TCOF1: variants seen among roughly 807,000 people sequenced by gnomAD.
The protein encoded by TCOF1 is treacle protein.
TCOF1 carries 33 observed loss-of-function variants against 149.0 expected under a neutral mutation model. That is an observed-to-expected ratio of 0.22 (90% CI 0.17 to 0.30). TCOF1 has a LOEUF of 0.30. TCOF1 is among the 10% of genes least tolerant of loss of function. The pLI, the probability that TCOF1 is intolerant of heterozygous loss-of-function variation, is 1.00. For missense variants in TCOF1, 1,728 were observed against 1,840.7 expected, an observed-to-expected ratio of 0.94 and a Z score of 1.12; for synonymous variants, 789 against 738.8, an observed-to-expected ratio of 1.07 and a Z score of -1.10.
intron 19 of TCOF1, among the ~76,000 whole-genome samples, chr5:150,390,540 C>T (rs1291875124): frequency 6.6e-6 from 1 of 152,122 alleles, no homozygotes; most frequent in Non-Finnish European, 1.5e-5. Context: ...TCAGCAAGGC[C>T]GGAACCCGGG....
chr5:150,369,569 C>A lies in TCOF1; in HGVS notation c.606C>A (p.Asp202Glu). 6.2e-7 allele frequency: 1 copy of A among 1,614,144 alleles called. No homozygotes were observed. Among genetic ancestry groups the A allele is most frequent in the South Asian group, 1.1e-5 (1 of 91,080 alleles). ...SAGQADSSSE[D>E]TSSSSDETDV... is the part of the protein sequence containing the mutation. Reference sequence around the variant, plus strand: ...GCCAGGCCGACAGCTCCAGCGAGGACACCTCCAGCTCCAGTGATGAGACAG... The same window carrying A: ...GCCAGGCCGACAGCTCCAGCGAGGAAACCTCCAGCTCCAGTGATGAGACAG... The change falls in exon 6 of 27, where the codon GAC becomes GAA. Residue 202 changes from aspartate to glutamate, a missense_variant. Coordinates refer to ENST00000643257, the MANE Select transcript of TCOF1 (RefSeq NM_001371623.1).
Position 150,393,464 on chromosome 5 carries a change from T to C in TCOF1, c.3696T>C (p.Val1232=). 1 of 1,614,130 alleles carries C rather than the reference T, an allele frequency of 6.2e-7. No individual in the cohort carries two copies. Among genetic ancestry groups the C allele is most frequent in the South Asian group, 1.1e-5 (1 of 91,082 alleles). The part of the protein sequence containing the change: ...ATPKLDSSPS[V]SSTLAAKDDP... ...CCAAGCTAGACTCCAGCCCCTCAGT[T>C]TCCTCTACTCTGGCCGCCAAAGATG... Residue 1232 remains valine, a synonymous_variant, in exon 23 of 27, where the codon GTT becomes GTC. Transcript: ENST00000643257.
At position 150,379,532 on chromosome 5, in the gene TCOF1, G is replaced by C. The variant is rs776588177; in HGVS notation, c.2659G>C (p.Val887Leu). 1.7e-5 allele frequency: 28 copies of C among 1,614,030 alleles called. No homozygotes were observed. The highest frequency in any genetic ancestry group is 1.6e-4 in the Middle Eastern group (1 of 6,084). ...CCTCTCATCCTGTTTCTCCCTCCAG[G>C]TGAAGCCTTCAGGGAAGACCCACCA... is the stretch of plus-strand genomic sequence containing the variant. The part of the protein sequence containing the change: ...SEEEAETLAQ[V>L]KPSGKTHQIR... The change falls in exon 17 of 27, where the codon GTG (valine) becomes CTG (leucine). Residue 887 changes from valine to leucine, a missense_variant and splice_region_variant. This residue lies in a region of TCOF1 where 1,696 missense variants were observed against 1,765.4 expected (regional missense o/e 0.96). Coordinates refer to ENST00000643257, the MANE Select transcript of TCOF1 (RefSeq NM_001371623.1).
At chr5:150,393,871 T>A in intron 23 of TCOF1, 2 of 385,330 alleles carry the variant, frequency 5.2e-6, no homozygotes, top group Non-Finnish European at 9.9e-6. Context: ...AATTAGCCGG[T>A]GTGATGGTGC....
intron 19 of TCOF1, among the ~76,000 whole-genome samples, chr5:150,390,443 G>A (rs140014619): frequency 2.6e-5 from 4 of 152,246 alleles, no homozygotes; most frequent in Non-Finnish European, 4.4e-5. Context: ...TAAAAGCTGG[G>A]CATTTTAGGG....
Position 150,396,370 on chromosome 5 carries a change from G to T in TCOF1, c.3873G>T (p.Ala1291=), listed in dbSNP as rs375500651. Residue 1291 remains alanine, a synonymous_variant, in exon 24 of 27, where the codon GCG becomes GCT. Transcript: ENST00000643257. The stretch of plus-strand genomic sequence containing the variant: ...GGAACCCCCAAGCCTCAACCCTGGC[G>T]CTGCAAAGCAACATCACCCAGTGCC... ...GAGNPQASTL[A]LQSNITQCLL... is the part of the protein sequence containing the mutation. 1 of 1,613,940 alleles carries T rather than the reference G, an allele frequency of 6.2e-7. No individual in the cohort carries two copies. The highest frequency in any genetic ancestry group is 1.1e-5 in the South Asian group (1 of 91,084).
chr5:150,383,663 A>G (rs1025663232), intron 17 of TCOF1: 24 of 1,458,594 alleles, frequency 1.6e-5, no homozygotes, highest in African/African-American at 7.1e-5. Flanking sequence ...CCAAATTCTC[A>G]TGATTCATAA....
At chr5:150,383,066 A>G (rs1167748361) in intron 17 of TCOF1, 1 of 1,535,282 alleles carries the variant, frequency 6.5e-7, no homozygotes, top group East Asian at 2.4e-5. Context: ...CCTCAGAAGG[A>G]CAGTAACTCC....
chr5:150,396,534 G>A lies in TCOF1; in HGVS notation c.4037G>A (p.Arg1346His), dbSNP rs979889720. ...KESSRKGWES[R>H]KRKLSGDQPA... ...AGCAGCAGGAAGGGCTGGGAGAGCC[G>A]CAAGCGGAAGCTATCGGGAGACCAG... The change falls in exon 24 of 27, where the codon CGC becomes CAC. Residue 1346 changes from arginine to histidine, a missense_variant. By Grantham distance (29) the Arg-to-His change is conservative (BLOSUM62 0). Coordinates refer to ENST00000643257, the MANE Select transcript of TCOF1 (RefSeq NM_001371623.1). The A allele has an allele frequency of 1.8e-5, 29 of 1,600,782 alleles. No individual in the cohort carries two copies. The highest frequency in any genetic ancestry group is 1.7e-4 in the Middle Eastern group (1 of 5,888).
intron 24 of TCOF1, among the ~76,000 whole-genome samples, chr5:150,397,208 C>T (rs1768761427): frequency 1.3e-5 from 2 of 148,334 alleles, no homozygotes; most frequent in South Asian, 4.3e-4. Context: ...GTCACAGGGG[C>T]AGCTTGTGGC....
At chr5:150,380,086 GAAAAA>G (rs878900348) in intron 17 of TCOF1, 3 of 246,538 alleles carry the variant, frequency 1.2e-5, no homozygotes, top group South Asian at 9.1e-5. Flanking sequence ...AAAAAAAAAA[GAAAAA>G]AAAGAAAAGT....
intron 17 of TCOF1, among the ~76,000 whole-genome samples, chr5:150,382,878 A>G (rs1765507573): frequency 6.6e-6 from 1 of 152,190 alleles, no homozygotes. Flanking sequence ...AGCAGGGTGG[A>G]AGCATGTTTC....
In TCOF1 at chr5:150,374,366, G is replaced by A. The variant is rs750089857; in HGVS notation, c.1063G>A (p.Ala355Thr). ...ESSDSEEETP[A>T]AKALLQAKAS... ...ATCTGACAGTGAGGAGGAGACGCCA[G>A]CTGCCAAGGCCCTGCTTCAGGTGAG... The change falls in exon 8 of 27, where the codon GCT becomes ACT. Residue 355 changes from alanine (A) to threonine (T), a missense_variant. Around this residue, in one of 2 missense-constraint regions of TCOF1, gnomAD observed 1,696 missense variants for 1,765.4 expected, o/e 0.96. Coordinates refer to ENST00000643257, the MANE Select transcript of TCOF1 (RefSeq NM_001371623.1). 4 of 1,556,000 alleles carry A rather than the reference G, an allele frequency of 2.6e-6. No homozygotes were observed. The African/African-American group carries it at 5.5e-5, about 21-fold the overall frequency.
In TCOF1 at chr5:150,379,400, C is replaced by G; in HGVS notation, c.2650C>G (p.Leu884Val). Residue 884 changes from leucine (L) to valine (V), a missense_variant, in exon 16 of 27, where the codon CTG becomes GTG. Leu to Val is a conservative substitution (Grantham distance 32). Around this residue, in one of 2 missense-constraint regions of TCOF1, gnomAD observed 1,696 missense variants for 1,765.4 expected, o/e 0.96. Coordinates refer to ENST00000643257, the MANE Select transcript of TCOF1 (RefSeq NM_001371623.1). ...AGACAGTGAGGAGGAGGCGGAGACG[C>G]TGGCTCAGGTGAGGGGGAGGGAATG... ...ESDSEEEAET[L>V]AQVKPSGKTH... 1.2e-6 allele frequency: 2 copies of G among 1,613,666 alleles called. No individual in the cohort carries two copies. The highest frequency in any genetic ancestry group is 1.1e-5 in the South Asian group (1 of 91,050).
At chr5:150,384,576 G>A (rs908586303) in intron 17 of TCOF1, 3 of 985,450 alleles carry the variant, frequency 3.0e-6, no homozygotes, top group Admixed American at 6.1e-5. Flanking sequence ...GGAGGGGACC[G>A]CTCCCCCTTT....
At chr5:150,367,015 G>A (rs1340256458) in intron 3 of TCOF1, among the ~76,000 whole-genome samples, 1 of 151,534 alleles carries the variant, frequency 6.6e-6, no homozygotes, top group Non-Finnish European at 1.5e-5. Context: ...TGGTATAAAA[G>A]CACTGAGAAG....
Position 150,376,488 on chromosome 5 carries a change from G to T in TCOF1, c.2208G>T (p.Gly736=). 1.2e-6 allele frequency: 2 copies of T among 1,614,072 alleles called. No homozygotes were observed. Among genetic ancestry groups the T allele is most frequent in the East Asian group, 2.2e-5 (1 of 44,882 alleles). ...CAGTGCCTGTCAAGGGGTCCTTGGGGCAAGGGACTGCTCCAGTACTCCCTG... is the reference window on the plus strand; with the variant it reads ...CAGTGCCTGTCAAGGGGTCCTTGGGTCAAGGGACTGCTCCAGTACTCCCTG... The part of the protein sequence containing the change: ...AASVPVKGSL[G]QGTAPVLPGK... Residue 736 remains glycine (G), a synonymous_variant, in exon 14 of 27, where the codon GGG becomes GGT. Transcript: ENST00000643257.
intron 6 of TCOF1, among the ~76,000 whole-genome samples, chr5:150,371,108 G>A (rs1261273139): frequency 6.6e-6 from 1 of 152,210 alleles, no homozygotes; most frequent in Non-Finnish European, 1.5e-5. Context: ...AGACCAAGGT[G>A]TCCACAGTTG....
chr5:150,358,422 C>T (rs888170365), intron 1 of TCOF1, among the ~76,000 whole-genome samples: 1 of 152,214 alleles, frequency 6.6e-6, no homozygotes, highest in Non-Finnish European at 1.5e-5. Context: ...CAGGGTGCTT[C>T]CTGGTGTTCG....
Sources: gnomAD v4.1 joint callset for allele counts (sites outside exome capture counted in the v4.1 genomes callset) on GRCh38, gnomAD v4.1.1 for gene constraint, gnomAD v4.1.1 regional missense constraint, MANE v1.5 for transcripts, NCBI Gene and HGNC (gene_info 2026-07-23, HGNC 2026-07-21) for gene names.